FBXL13: variants seen among roughly 807,000 people sequenced by gnomAD.
The protein encoded by FBXL13 is F-box and leucine-rich repeat protein 13.
Under a neutral mutation model 83.6 loss-of-function variants are expected in FBXL13, and 67 were observed. That is an observed-to-expected ratio of 0.80 (90% CI 0.66 to 0.98). The LOEUF (loss-of-function observed/expected upper bound fraction) is 0.98, where lower values mean the gene tolerates loss of function less well. Among genes scored for constraint, FBXL13 ranks in the 50% least tolerant of loss-of-function variants. The pLI is 0.00. For synonymous variants in FBXL13, 272 were observed against 299.5 expected (o/e 0.91, Z 0.95); for missense variants, 822 against 866.5 (o/e 0.95, Z 0.64).
At chr7:102,880,818 A>G (rs1302340163) in intron 14 of FBXL13, among the ~76,000 whole-genome samples, 1 of 152,196 alleles carries the variant, frequency 6.6e-6, no homozygotes, top group Non-Finnish European at 1.5e-5. Context: ...GCCCCCTTAA[A>G]GAGGTACAAA....
intron 2 of FBXL13, among the ~76,000 whole-genome samples, chr7:103,052,795 C>T (rs1380015725): frequency 2.4e-4 from 34 of 143,482 alleles, no homozygotes; most frequent in Admixed American, 5.8e-4. Flanking sequence ...TCATTCTGGT[C>T]GCCCAGGCTG....
intron 6 of FBXL13, among the ~76,000 whole-genome samples, chr7:103,014,190 C>A (rs995324732): frequency 6.6e-6 from 1 of 151,982 alleles, no homozygotes; most frequent in South Asian, 2.1e-4. Context: ...CCTTTCTATA[C>A]CAGAAAAATA....
exon 10 of FBXL13, chr7:102,926,371 C>T (rs751509189): frequency 1.2e-6 from 2 of 1,612,320 alleles, no homozygotes; most frequent in Admixed American, 3.3e-5. Flanking sequence ...CTCATTGATT[C>T]ATCCTGCATG....
intron 11 of FBXL13, among the ~76,000 whole-genome samples, chr7:102,908,785 G>A (rs1297842713): frequency 1.3e-5 from 2 of 152,214 alleles, no homozygotes; most frequent in Admixed American, 6.5e-5. Context: ...CCCAAAACTG[G>A]TGGTAGAGTG....
Position 102,963,677 on chromosome 7 carries a change from AAAC to A in FBXL13, c.592-15_592-13del. On this transcript the variant is annotated splice_polypyrimidine_tract_variant and intron_variant, in intron 7 of 19. Coordinates refer to ENST00000313221, the Ensembl canonical transcript of FBXL13. Reference sequence around the variant, plus strand: ...GAGGAAAAATCAATCTAAAAAGAATAAACAAAATGCATTAAGAAATGAGAAAGT... The same window carrying A: ...GAGGAAAAATCAATCTAAAAAGAATAAAAATGCATTAAGAAATGAGAAAGT... 6.3e-7 allele frequency: 1 copy of A among 1,586,590 alleles called. No homozygotes were observed. Among genetic ancestry groups the A allele is most frequent in the Non-Finnish European group, 8.5e-7 (1 of 1,172,030 alleles).
intron 6 of FBXL13, among the ~76,000 whole-genome samples, chr7:102,979,567 G>A (rs915485060): frequency 6.6e-6 from 1 of 152,112 alleles, no homozygotes; most frequent in African/African-American, 2.4e-5. Flanking sequence ...TACTATATGA[G>A]GGAATAATAA....
intron 6 of FBXL13, among the ~76,000 whole-genome samples, chr7:103,000,337 C>T (rs191191647): frequency 6.6e-6 from 1 of 151,888 alleles, no homozygotes; most frequent in African/African-American, 2.4e-5. Context: ...AGAGCAAGAC[C>T]CTTACTCTAT....
At chr7:103,024,803 G>C (rs1273222642) in intron 6 of FBXL13, among the ~76,000 whole-genome samples, 5 of 134,574 alleles carry the variant, frequency 3.7e-5, no homozygotes, top group Non-Finnish European at 6.2e-5. Flanking sequence ...GGATTATAGT[G>C]TATACATACA....
chr7:102,989,096 G>A (rs558198101), intron 6 of FBXL13, among the ~76,000 whole-genome samples: 1 of 152,186 alleles, frequency 6.6e-6, no homozygotes, highest in African/African-American at 2.4e-5. Context: ...GATGGGGACA[G>A]GGAGGGCTGA....
At chr7:102,949,053 A>G (rs1240762203) in intron 8 of FBXL13, among the ~76,000 whole-genome samples, 1 of 152,122 alleles carries the variant, frequency 6.6e-6, no homozygotes, top group Non-Finnish European at 1.5e-5. Flanking sequence ...ATTTTCTAAA[A>G]TTTTACTGGT....
At chr7:102,862,652 G>A (rs1807037185) in intron 16 of FBXL13, among the ~76,000 whole-genome samples, 1 of 152,160 alleles carries the variant, frequency 6.6e-6, no homozygotes, top group Non-Finnish European at 1.5e-5. Flanking sequence ...ACATGTACAA[G>A]TATTATATAC....
At chr7:102,865,619 G>A (rs1807523075) in intron 16 of FBXL13, among the ~76,000 whole-genome samples, 1 of 152,008 alleles carries the variant, frequency 6.6e-6, no homozygotes, top group Non-Finnish European at 1.5e-5. Context: ...TCAGTTCACT[G>A]CAACCTCTCC....
chr7:102,818,564 A>G (rs1163180714), intron 19 of FBXL13, among the ~76,000 whole-genome samples: 5 of 152,166 alleles, frequency 3.3e-5, no homozygotes, highest in Non-Finnish European at 7.3e-5. Context: ...AACTCTGATA[A>G]GAGTTTTATT....
At chr7:103,034,528 A>G (rs1033198797) in intron 2 of FBXL13, among the ~76,000 whole-genome samples, 33 of 152,180 alleles carry the variant, frequency 2.2e-4, no homozygotes, top group South Asian at 4.1e-4. Context: ...GCCCACCCGG[A>G]ACTCCCGCTG....
chr7:102,826,724 CATATATATATATATATATA>C (rs1231072108), intron 18 of FBXL13, among the ~76,000 whole-genome samples: 4 of 62,712 alleles, frequency 6.4e-5, no homozygotes, highest in African/African-American at 1.8e-4. Context: ...GACCCTGTCT[CATATATATATATATATATA>C]TATATATATA....
intron 1 of FBXL13, among the ~76,000 whole-genome samples, chr7:103,063,918 T>G (rs938036499): frequency 1.3e-5 from 2 of 152,102 alleles, no homozygotes; most frequent in African/African-American, 4.8e-5. Context: ...AGGTTTCAAG[T>G]AACAAACTCA....
chr7:103,072,536 C>G (rs1799069081), intron 1 of FBXL13, among the ~76,000 whole-genome samples: 1 of 152,160 alleles, frequency 6.6e-6, no homozygotes, highest in Non-Finnish European at 1.5e-5. Context: ...GTTATAGTAA[C>G]TGGCGGCCTA....
intron 8 of FBXL13, chr7:102,939,375 C>T (rs565182267): frequency 1.4e-5 from 21 of 1,456,782 alleles, no homozygotes; most frequent in East Asian, 9.1e-5. Flanking sequence ...TAACGGTGAC[C>T]GAGGAAATGG....
In FBXL13 at chr7:102,878,535, T is replaced by A. The variant is rs17135874; in HGVS notation, c.1389-85A>T. The A allele has an allele frequency of 5.0e-3, 4,406 of 885,348 alleles. 124 individuals carry two copies. The African/African-American group carries it at 0.069, about 14-fold the overall frequency. The allele number at this position is 885,348 out of a possible 1,614,324, so 54.8% of individuals were successfully genotyped here. ...TTAAAGTAATAGCTACCATACCCAATATATTTCTAAAATAGCAAGGTAATA... is the reference window on the plus strand; with the variant it reads ...TTAAAGTAATAGCTACCATACCCAAAATATTTCTAAAATAGCAAGGTAATA... On this transcript the variant is annotated intron_variant, in intron 14 of 19. Transcript: ENST00000313221.
Sources: gnomAD v4.1 joint callset for allele counts (sites outside exome capture counted in the v4.1 genomes callset) on GRCh38, gnomAD v4.1.1 for gene constraint, MANE v1.5 for transcripts, NCBI Gene and HGNC (gene_info 2026-07-23, HGNC 2026-07-21) for gene names.